The following PCDHA2 variants were observed in gnomAD, a reference collection of about 807,000 sequenced individuals.
PCDHA2 encodes protocadherin alpha-2.
PCDHA2 carries 58 observed loss-of-function variants against 66.0 expected under a neutral mutation model. The observed-to-expected ratio is 0.88, with a 90% CI of 0.71 to 1.09. The LOEUF (loss-of-function observed/expected upper bound fraction) is 1.09. Ranked by LOEUF, PCDHA2 falls within the 50% of genes least tolerant of loss-of-function variation. PCDHA2 has a pLI of 0.00. For missense variants in PCDHA2, 1,267 were observed against 1,242.3 expected (o/e 1.02, Z -0.30); for synonymous variants, 634 against 554.0 (o/e 1.14, Z -2.03).
intron 1 of PCDHA2, among the ~76,000 whole-genome samples, chr5:140,879,219 A>G (rs2057906971): frequency 6.6e-6 from 1 of 152,252 alleles, no homozygotes; most frequent in South Asian, 2.1e-4. Context: ...AATGAATTGA[A>G]AAAGACATAT....
chr5:140,823,275 G>C (rs2150124243), intron 1 of PCDHA2: 1 of 1,612,480 alleles, frequency 6.2e-7, no homozygotes, highest in Non-Finnish European at 8.5e-7. Context: ...GGGTGGGCGA[G>C]CGCCCGCTGT....
rs782494751 is a variant in PCDHA2 at position 140,796,527 on chromosome 5, G to A, written c.1563G>A (p.Gln521=). 3.1e-6 allele frequency: 5 copies of A among 1,612,648 alleles called. No individual in the cohort carries two copies. Among genetic ancestry groups the A allele is most frequent in the East Asian group, 2.2e-5 (1 of 44,872 alleles). Reference sequence around the variant, plus strand: ...AGAGCGGCAAGGTGTACGCGCTGCAGCCGCTGGACCACGAGGAAGTGGAGC... The same window carrying A: ...AGAGCGGCAAGGTGTACGCGCTGCAACCGCTGGACCACGAGGAAGTGGAGC... ...HAESGKVYAL[Q]PLDHEEVELL... is the part of the protein sequence containing the mutation. The change falls in exon 1 of 4, where the codon CAG becomes CAA. Residue 521 remains glutamine, a synonymous_variant. Transcript: ENST00000526136.
In PCDHA2 at chr5:140,795,892, T is replaced by C. The variant is rs1455564883; in HGVS notation, c.928T>C (p.Tyr310His). Residue 310 changes from tyrosine to histidine, a missense_variant, in exon 1 of 4, where the codon TAT (tyrosine) becomes CAT (histidine). Transcript: ENST00000526136. ...GEIRTKGKLD[Y>H]EEAKSYEIQV... ...AATCAGAACTAAGGGAAAATTAGAT[T>C]ATGAAGAAGCAAAGTCCTACGAGAT... 6.2e-7 allele frequency: 1 copy of C among 1,613,994 alleles called. No individual in the cohort carries two copies. The highest frequency in any genetic ancestry group is 8.5e-7 in the Non-Finnish European group (1 of 1,179,980).
chr5:140,801,843 G>C, intron 1 of PCDHA2: 2 of 1,614,048 alleles, frequency 1.2e-6, no homozygotes, highest in Non-Finnish European at 1.7e-6. Flanking sequence ...AACAGCAATT[G>C]ATGGTGGGAA....
At chr5:140,884,469 C>A in intron 1 of PCDHA2, 1 of 1,613,766 alleles carries the variant, frequency 6.2e-7, no homozygotes, top group Non-Finnish European at 8.5e-7. Flanking sequence ...GCGTGCGCGC[C>A]GGGCAAGCCC....
chr5:140,797,198 T>C lies in PCDHA2; in HGVS notation c.2234T>C (p.Val745Ala). Residue 745 changes from valine to alanine, a missense_variant, in exon 1 of 4, where the codon GTG becomes GCG. By Grantham distance (64) the Val-to-Ala change is moderately conservative. Coordinates refer to ENST00000526136, the MANE Select transcript of PCDHA2 (RefSeq NM_018905.3). Reference sequence around the variant, plus strand: ...CCCACGCTGGTGTGCTCCAGCGCCGTGGGGAGCTGGTCTTACTCGCAGCAG... The same window carrying C: ...CCCACGCTGGTGTGCTCCAGCGCCGCGGGGAGCTGGTCTTACTCGCAGCAG... Reference protein sequence around the residue: ...GKPTLVCSSAVGSWSYSQQRR... With the variant: ...GKPTLVCSSAAGSWSYSQQRR... 6.2e-7 allele frequency: 1 copy of C among 1,614,096 alleles called. No individual in the cohort carries two copies. Among genetic ancestry groups the C allele is most frequent in the South Asian group, 1.1e-5 (1 of 91,080 alleles).
intron 1 of PCDHA2, chr5:140,871,411 G>A: frequency 6.2e-7 from 1 of 1,614,056 alleles, no homozygotes; most frequent in Non-Finnish European, 8.5e-7. Flanking sequence ...GGACCTCATG[G>A]CCTTCAGCCC....
intron 1 of PCDHA2, chr5:140,836,815 A>AT (rs1774761727): frequency 8.3e-7 from 1 of 1,210,190 alleles, no homozygotes; most frequent in African/African-American, 1.5e-5. Context: ...TTCTTTCATA[A>AT]TTTCTTTTTT....
chr5:140,798,099 T>C (rs1762294843), intron 1 of PCDHA2, among the ~76,000 whole-genome samples: 1 of 152,158 alleles, frequency 6.6e-6, no homozygotes, highest in Admixed American at 6.5e-5. Flanking sequence ...CTCAAACTCC[T>C]GGCCTCAAGT....
chr5:140,876,063 G>T (rs1404065760), intron 1 of PCDHA2: 1 of 1,613,860 alleles, frequency 6.2e-7, no homozygotes, highest in East Asian at 2.2e-5. Flanking sequence ...TAGTTCTTCG[G>T]AAGTTATTGG....
At chr5:140,940,934 G>A (rs155815) in intron 1 of PCDHA2, among the ~76,000 whole-genome samples, 48,303 of 152,082 alleles carry the variant, frequency 0.32, 8,018 homozygotes, top group East Asian at 0.53. Flanking sequence ...TGGCTACTTA[G>A]ACTACGTATT....
At chr5:140,824,130 G>T (rs1554129744) in intron 1 of PCDHA2, 4 of 1,613,078 alleles carry the variant, frequency 2.5e-6, no homozygotes, top group Non-Finnish European at 8.5e-7. Flanking sequence ...CAGACAACGT[G>T]AGTTTTCTAA....
Position 140,836,337 on chromosome 5 carries a change from A to G in PCDHA2, c.2388+38985A>G, listed in dbSNP as rs143048298. On this transcript the variant is annotated intron_variant, in intron 1 of 3. Transcript: ENST00000526136. ...GCGCCACCGCCTTCTGGTGCTTGTG[A>G]AGGACCACGGGGAGCCCTCGCTGAC... 1,176 of 1,613,648 alleles carry G rather than the reference A, an allele frequency of 7.3e-4. 14 individuals carry two copies. Among genetic ancestry groups the G allele is most frequent in the Non-Finnish European group, 9.2e-4 (1,082 of 1,179,806 alleles).
In PCDHA2 at chr5:140,949,530, A is replaced by G. The variant is rs535959568; in HGVS notation, c.2389-29419A>G. Among the ~76,000 whole-genome samples, 8 of 151,972 alleles carry G rather than the reference A, an allele frequency of 5.3e-5. No homozygotes were observed. The South Asian group carries it at 1.7e-3, about 31-fold the overall frequency. On this transcript the variant is annotated intron_variant, in intron 1 of 3. Coordinates refer to ENST00000526136, the MANE Select transcript of PCDHA2 (RefSeq NM_018905.3). ...GATTTATTGATCCTTTTATCTTCATAAAATATCGATTTGTTGCTGGTCATA... is the reference window on the plus strand; with the variant it reads ...GATTTATTGATCCTTTTATCTTCATGAAATATCGATTTGTTGCTGGTCATA...
rs781992926 is a variant in PCDHA2 at position 140,990,008 on chromosome 5, G to A, written c.2536+7445G>A. On this transcript the variant is annotated intron_variant, in intron 3 of 3. Coordinates refer to ENST00000526136, the MANE Select transcript of PCDHA2 (RefSeq NM_018905.3). ...CCTGAAATTGTCTATCTCCAAGGGCGTGGGCTAGGCAAAGGATGGGAGAAG... is the reference window on the plus strand; with the variant it reads ...CCTGAAATTGTCTATCTCCAAGGGCATGGGCTAGGCAAAGGATGGGAGAAG... Among the ~76,000 whole-genome samples the A allele has an allele frequency of 2.8e-4, 43 of 152,230 alleles. 1 individual carries two copies. The highest frequency in any genetic ancestry group is 9.1e-4 in the African/African-American group (38 of 41,532).
At chr5:140,836,137 T>C (rs1774231095) in intron 1 of PCDHA2, 1 of 1,613,594 alleles carries the variant, frequency 6.2e-7, no homozygotes, top group South Asian at 1.1e-5. Context: ...CCGCGGTCTG[T>C]GGGCGCGGGC....
At chr5:140,830,548 A>G in intron 1 of PCDHA2, 1 of 1,123,746 alleles carries the variant, frequency 8.9e-7, no homozygotes, top group Non-Finnish European at 1.2e-6. Context: ...TTTTCCTCAT[A>G]TTTGTCTTCT....
intron 1 of PCDHA2, among the ~76,000 whole-genome samples, chr5:140,971,604 A>G (rs2096487974): frequency 6.6e-6 from 1 of 152,160 alleles, no homozygotes; most frequent in Admixed American, 6.5e-5. Flanking sequence ...TACAGATGGC[A>G]GGAGAGTCCT....
intron 1 of PCDHA2, among the ~76,000 whole-genome samples, chr5:140,915,232 C>A (rs1554196813): frequency 1.3e-5 from 2 of 152,274 alleles, no homozygotes; most frequent in Admixed American, 6.5e-5. Flanking sequence ...CAGGCATGAG[C>A]CACCATGCCT....
Sources: gnomAD v4.1 joint callset for allele counts (sites outside exome capture counted in the v4.1 genomes callset) on GRCh38, gnomAD v4.1.1 for gene constraint, MANE v1.5 for transcripts, NCBI Gene and HGNC (gene_info 2026-07-23, HGNC 2026-07-21) for gene names.